Variants in MCM6 observed in about 807,000 individuals in gnomAD.
MCM6 encodes the protein minichromosome maintenance complex component 6.
Under a neutral mutation model 94.3 loss-of-function variants are expected in MCM6, and 46 were observed. The ratio of observed to expected loss-of-function variants is 0.49; its 90% CI spans 0.39 to 0.62. The LOEUF is 0.62. MCM6 is among the 20% of genes least tolerant of loss of function. The pLI, the probability that MCM6 is intolerant of heterozygous loss-of-function variation, is 0.00. For missense variants in MCM6, 865 were observed against 1,017.9 expected, an observed-to-expected ratio of 0.85 and a Z score of 2.04; for synonymous variants, 335 against 351.9, an observed-to-expected ratio of 0.95 and a Z score of 0.54.
chr2:135,876,159 AC>A (rs1490444806), intron 1 of MCM6, 99 bp downstream of exon 1: 15 of 892,206 alleles, frequency 1.7e-5, no homozygotes, highest in South Asian at 2.2e-5. Flanking sequence ...CGGACGCGCG[AC>A]CCCCAGGTTC....
At chr2:135,871,644 T>G (rs908100114) in intron 2 of MCM6, among the ~76,000 whole-genome samples, 8 of 152,348 alleles carry the variant, frequency 5.3e-5, no homozygotes, top group African/African-American at 1.9e-4. Flanking sequence ...ATAAAAGCCT[T>G]CTATTAAATA....
At position 135,872,837 on chromosome 2, in the gene MCM6, C is replaced by G; in HGVS notation, c.114G>C (p.Gln38His). Reference protein sequence around the residue: ...KLFLDFLEEFQSSDGEIKYLQ... With the variant: ...KLFLDFLEEFHSSDGEIKYLQ... ...AGTATTTAATTTCTCCATCGCTGCT[C>G]TGAAACCTGCAGGTACATTCGAGTC... The change falls in exon 2 of 17, where the codon CAG becomes CAC. Residue 38 changes from glutamine to histidine, a missense_variant. This residue lies in a region of MCM6 where 404 missense variants were observed against 451.9 expected (regional missense o/e 0.89). Transcript: ENST00000264156. 9 of 1,614,046 alleles carry G rather than the reference C, an allele frequency of 5.6e-6. No homozygotes were observed. Among genetic ancestry groups the G allele is most frequent in the Non-Finnish European group, 6.8e-6 (8 of 1,179,980 alleles).
At chr2:135,873,646 T>C (rs931493422) in intron 1 of MCM6, among the ~76,000 whole-genome samples, 1 of 132,418 alleles carries the variant, frequency 7.6e-6, no homozygotes, top group Admixed American at 7.2e-5. Context: ...GTTAAACAAC[T>C]ACGTGCAAAG....
Position 135,876,282 on chromosome 2 carries a change from T to A in MCM6, c.84A>T (p.Lys28Asn), listed in dbSNP as rs773891158. The A allele has an allele frequency of 4.3e-6, 7 of 1,610,480 alleles. No homozygotes were observed. The highest frequency in any genetic ancestry group is 5.9e-6 in the Non-Finnish European group (7 of 1,179,306). Residue 28 changes from lysine to asparagine, a missense_variant, in exon 1 of 17, where the codon AAA (lysine) becomes AAT (asparagine). Around this residue, in one of 3 missense-constraint regions of MCM6, gnomAD observed 404 missense variants for 451.9 expected, o/e 0.89. Transcript: ENST00000264156. ...ACTCCTCCAAGAAGTCCAGGAACAG[T>A]TTCTGGCACTTCTCGGCCACCTCGT... The part of the protein sequence containing the change: ...VRDEVAEKCQ[K>N]LFLDFLEEFQ...
At chr2:135,862,569 C>T (rs1403829650) in intron 8 of MCM6, 38 bp downstream of exon 8, 4 of 1,611,390 alleles carry the variant, frequency 2.5e-6, no homozygotes, top group Non-Finnish European at 3.4e-6. Context: ...GAACTATGTA[C>T]ACTTTTTCCT....
chr2:135,841,639 C>A (rs879844585), intron 16 of MCM6, among the ~76,000 whole-genome samples: 1 of 152,180 alleles, frequency 6.6e-6, no homozygotes, highest in East Asian at 1.9e-4. Flanking sequence ...GGGGACTGGA[C>A]ACTTTTTAAA....
intron 2 of MCM6, 69 bp from the exon 3 acceptor site, chr2:135,870,430 C>A: frequency 9.8e-7 from 1 of 1,016,280 alleles, no homozygotes; most frequent in Non-Finnish European, 1.5e-6. Flanking sequence ...ACATACCTAC[C>A]AACAGCCGAG....
intron 8 of MCM6, among the ~76,000 whole-genome samples, chr2:135,859,796 G>A (rs1182506206): frequency 6.6e-6 from 1 of 151,704 alleles, no homozygotes; most frequent in Non-Finnish European, 1.5e-5. Context: ...GTTAATACCT[G>A]ATAAAAATAT....
intron 1 of MCM6, among the ~76,000 whole-genome samples, 185 bp downstream of exon 1, chr2:135,876,074 C>G (rs939441974): frequency 5.9e-5 from 9 of 152,208 alleles, no homozygotes; most frequent in African/African-American, 2.2e-4. Context: ...TCCAGAAAAA[C>G]CCAGCCTGTC....
chr2:135,859,233 A>T (rs913929912), intron 9 of MCM6, 68 bp downstream of exon 9: 7 of 1,252,184 alleles, frequency 5.6e-6, no homozygotes, highest in Non-Finnish European at 7.9e-6. Flanking sequence ...ATGGTAACTT[A>T]TAGGCCTTTA....
At chr2:135,855,528 T>C (rs943228793) in intron 11 of MCM6, among the ~76,000 whole-genome samples, 3 of 152,016 alleles carry the variant, frequency 2.0e-5, no homozygotes, top group South Asian at 2.1e-4. Context: ...TAACCAGGCA[T>C]GGTGGTACAG....
intron 13 of MCM6, 53 bp downstream of exon 13, chr2:135,851,348 CA>C: frequency 7.0e-7 from 1 of 1,434,446 alleles, no homozygotes; most frequent in Non-Finnish European, 9.6e-7. Context: ...AGATTAAAAA[CA>C]TGCAACAAAT....
chr2:135,862,661 T>A lies in MCM6; in HGVS notation c.1166A>T (p.Asp389Val). 6.2e-7 allele frequency: 1 copy of A among 1,614,186 alleles called. No homozygotes were observed. Among genetic ancestry groups the A allele is most frequent in the South Asian group, 1.1e-5 (1 of 91,086 alleles). Residue 389 changes from aspartate to valine, a missense_variant, in exon 8 of 17, where the codon GAC becomes GTC. Around this residue, in one of 3 missense-constraint regions of MCM6, gnomAD observed 153 missense variants for 241.5 expected, o/e 0.63. Coordinates refer to ENST00000264156, the MANE Select transcript of MCM6 (RefSeq NM_005915.6). ...GTCACCAACAATGCAAACATTTATG[T>A]CCCCTCGAAGAGAGGTCCCTTCTCC... ...TTGEGTSLRG[D>V]INVCIVGDPS...
chr2:135,875,649 G>A (rs1166544110), intron 1 of MCM6, among the ~76,000 whole-genome samples: 1 of 152,128 alleles, frequency 6.6e-6, no homozygotes, highest in African/African-American at 2.4e-5. Flanking sequence ...AAGAAGAGTA[G>A]AGAAAGGAAA....
chr2:135,841,338 A>C (rs867717206), intron 16 of MCM6, among the ~76,000 whole-genome samples: 11 of 150,752 alleles, frequency 7.3e-5, no homozygotes, highest in African/African-American at 2.7e-4. Context: ...TTTAATTATG[A>C]CCACTGAACT....
At chr2:135,852,713 C>T (rs1238012085) in intron 12 of MCM6, 74 bp downstream of exon 12, 2 of 1,085,240 alleles carry the variant, frequency 1.8e-6, no homozygotes, top group African/African-American at 3.3e-5. Context: ...AGTTAATTTC[C>T]ATATAACACA....
intron 11 of MCM6, among the ~76,000 whole-genome samples, chr2:135,855,592 G>C (rs560746564): frequency 1.3e-5 from 2 of 152,310 alleles, no homozygotes; most frequent in South Asian, 4.1e-4. Flanking sequence ...CTGGAACCCA[G>C]GAGATTGAGG....
intron 7 of MCM6, among the ~76,000 whole-genome samples, chr2:135,864,406 G>T (rs962149204): frequency 1.3e-5 from 2 of 152,020 alleles, no homozygotes; most frequent in African/African-American, 4.8e-5. Context: ...CTGGAGGTAG[G>T]GTTGCTTTAG....
At chr2:135,848,288 C>T in intron 13 of MCM6, 100 bp from the exon 14 acceptor site, 1 of 735,494 alleles carries the variant, frequency 1.4e-6, no homozygotes, top group Non-Finnish European at 2.3e-6. Flanking sequence ...GGTTTTCTCA[C>T]AAACACACAC....
Sources: gnomAD v4.1 joint callset for allele counts (sites outside exome capture counted in the v4.1 genomes callset) on GRCh38, gnomAD v4.1.1 for gene constraint, gnomAD v4.1.1 regional missense constraint, MANE v1.5 for transcripts, NCBI Gene and HGNC (gene_info 2026-07-23, HGNC 2026-07-21) for gene names.